Variants in PWWP3A observed in about 807,000 individuals in gnomAD.
PWWP3A encodes the protein PWWP domain containing 3A, DNA repair factor.
In PWWP3A, 53 loss-of-function variants were observed where a neutral mutation model predicts 79.0. The ratio of observed to expected loss-of-function variants is 0.67; its 90% CI spans 0.54 to 0.84. The LOEUF (loss-of-function observed/expected upper bound fraction) is 0.84. PWWP3A is among the 40% of genes least tolerant of loss of function. The pLI, the probability that PWWP3A is intolerant of heterozygous loss-of-function variation, is 0.00. For missense variants in PWWP3A, 973 were observed against 948.0 expected (o/e 1.03, Z -0.35); for synonymous variants, 443 against 394.4 (o/e 1.12, Z -1.46).
rs1173948828 is a variant in PWWP3A at position 1,366,176 on chromosome 19, A to G, written c.1285-129A>G. 2.0e-5 allele frequency: 16 copies of G among 799,676 alleles called. 1 individual carries two copies. The East Asian group carries it at 4.3e-4, about 21-fold the overall frequency. 49.5% of individuals were successfully genotyped at this position (799,676 alleles called of 1,614,324 possible). ...GTTTCTCAGCGCCTCCTTGCGGGAG[A>G]CTTCGCTGGGGTCACCCCCAGAGCT... On this transcript the variant is annotated intron_variant, in intron 7 of 13. Transcript: ENST00000591337.
intron 12 of PWWP3A, 177 bp downstream of exon 12, chr19:1,371,255 G>A (rs147798015): frequency 9.0e-6 from 7 of 778,406 alleles, no homozygotes; most frequent in Admixed American, 6.0e-5. Flanking sequence ...GCGAGTGCGT[G>A]CGCTTGACCC....
chr19:1,356,749 C>G (rs942722229), intron 2 of PWWP3A, among the ~76,000 whole-genome samples: 4 of 151,664 alleles, frequency 2.6e-5, no homozygotes, highest in Admixed American at 1.3e-4. Context: ...AAATTATGGT[C>G]GTGTTCAGGG....
At position 1,369,297 on chromosome 19, in the gene PWWP3A, C is replaced by T. The variant is rs200651166; in HGVS notation, c.1455C>T (p.Ile485=). 210 of 1,614,102 alleles carry T rather than the reference C, an allele frequency of 1.3e-4. No individual in the cohort carries two copies. Among genetic ancestry groups the T allele is most frequent in the East Asian group, 1.1e-4 (5 of 44,882 alleles). Residue 485 remains isoleucine, a synonymous_variant, in exon 10 of 14, where the codon ATC becomes ATT. Transcript: ENST00000591337. The surrounding 1 kb of genome is among the most constrained non-coding windows in gnomAD (Gnocchi z 4.0). ...CCAGGGAGGACTTCAACCAGGACAT[C>T]GGCTGGTGTGTCTCCCTCATCACCG... ...NQAREDFNQD[I]GWCVSLITDY...
chr19:1,370,869 C>T lies in PWWP3A; in HGVS notation c.1777C>T (p.Leu593=), dbSNP rs775320701. ...CGCGGAGAGCCACCTGCGGGCCATC[C>T]TAAAGAGCAGGAAGCCATCTCGCTG... ...KGAESHLRAI[L]KSRKPSRWLQ... The change falls in exon 12 of 14, where the codon CTA becomes TTA. Residue 593 remains leucine, a synonymous_variant. Coordinates refer to ENST00000591337, the MANE Select transcript of PWWP3A (RefSeq NM_001369789.1). The T allele has an allele frequency of 2.9e-5, 45 of 1,559,424 alleles. 1 individual carries two copies. In the South Asian group the frequency reaches 5.3e-4, roughly 18 times the overall value.
chr19:1,355,742 C>T (rs1164333618), intron 1 of PWWP3A, among the ~76,000 whole-genome samples: 1 of 151,806 alleles, frequency 6.6e-6, no homozygotes, highest in East Asian at 1.9e-4. Flanking sequence ...CTGGGAACCT[C>T]CTCTTCCCTG....
chr19:1,357,587 T>C (rs746349189), intron 3 of PWWP3A: 2 of 153,712 alleles, frequency 1.3e-5, no homozygotes, highest in African/African-American at 2.4e-5. Flanking sequence ...AAATAACTGA[T>C]GACCAGGCGG....
chr19:1,376,753 G>T lies in PWWP3A; in HGVS notation c.*177G>T. The T allele has an allele frequency of 3.9e-6, 2 of 506,522 alleles. No homozygotes were observed. The highest frequency in any genetic ancestry group is 7.0e-6 in the Non-Finnish European group (2 of 285,996). The allele number at this position is 506,522 out of a possible 1,614,324, so 31.4% of individuals were successfully genotyped here. On this transcript the variant is annotated 3_prime_UTR_variant, in exon 14 of 14. Transcript: ENST00000591337. Reference sequence around the variant, plus strand: ...CTGGAGAATCCATTTCGTTAACACTGAAAGCCAGTTCTCTTTTCCTGGCAG... The same window carrying T: ...CTGGAGAATCCATTTCGTTAACACTTAAAGCCAGTTCTCTTTTCCTGGCAG...
chr19:1,367,304 C>G (rs2082150095), intron 9 of PWWP3A, 84 bp downstream of exon 9: 3 of 1,207,346 alleles, frequency 2.5e-6, no homozygotes, highest in Non-Finnish European at 3.6e-6. Context: ...CTCTTGAAAT[C>G]CATGGCTGCG....
chr19:1,363,802 T>C (rs1382597047), intron 6 of PWWP3A, among the ~76,000 whole-genome samples: 1 of 152,150 alleles, frequency 6.6e-6, no homozygotes, highest in African/African-American at 2.4e-5. Flanking sequence ...GGGCCTCCCT[T>C]TTTCTCTGGT....
intron 12 of PWWP3A, 148 bp from the exon 13 acceptor site, chr19:1,372,923 AC>A: frequency 1.6e-6 from 1 of 614,872 alleles, no homozygotes; most frequent in Non-Finnish European, 2.9e-6. Flanking sequence ...GGATTCATGG[AC>A]TAGGTTTGCA....
intron 6 of PWWP3A, among the ~76,000 whole-genome samples, chr19:1,362,623 C>T (rs1021234128): frequency 6.6e-6 from 1 of 152,262 alleles, no homozygotes; most frequent in Non-Finnish European, 1.5e-5. Flanking sequence ...TTACCTCAAG[C>T]CCTTGTCCTC....
rs1302863812 is a variant in PWWP3A at position 1,360,994 on chromosome 19, G to C, written c.1073G>C (p.Arg358Thr). The stretch of plus-strand genomic sequence containing the variant: ...TCCCACGCCTCTGCGGATGCAACCA[G>C]ATGTCTTCCTTGCCCGGATTCCCAG... ...PPSHASADAT[R>T]CLPCPDSQKL... The change falls in exon 5 of 14, where the codon AGA becomes ACA. Residue 358 changes from arginine (R) to threonine (T), a missense_variant. Arg to Thr is a moderately conservative substitution (Grantham distance 71). Coordinates refer to ENST00000591337, the MANE Select transcript of PWWP3A (RefSeq NM_001369789.1). The surrounding 1 kb of genome is among the most constrained non-coding windows in gnomAD (Gnocchi z 4.4). The C allele has an allele frequency of 4.9e-6, 7 of 1,442,046 alleles. No individual in the cohort carries two copies. The East Asian group carries it at 1.8e-4, about 38-fold the overall frequency. The allele number at this position is 1,442,046 out of a possible 1,614,324, so 89.3% of individuals were successfully genotyped here. A position where few individuals can be genotyped will look rare whatever the true frequency, so the allele number is the denominator to read the frequency against.
At chr19:1,362,753 C>T (rs2082047244) in intron 6 of PWWP3A, among the ~76,000 whole-genome samples, 1 of 152,212 alleles carries the variant, frequency 6.6e-6, no homozygotes, top group African/African-American at 2.4e-5. Flanking sequence ...GGGGGGCTGT[C>T]CAGGGAGGCA....
At position 1,356,982 on chromosome 19, in the gene PWWP3A, A is replaced by G. The variant is rs10419989; in HGVS notation, c.58-27A>G. 2.8e-4 allele frequency: 445 copies of G among 1,593,008 alleles called. 2 individuals carry two copies. In the African/African-American group the frequency reaches 5.4e-3, roughly 19 times the overall value. On this transcript the variant is annotated intron_variant, in intron 2 of 13. Coordinates refer to ENST00000591337, the MANE Select transcript of PWWP3A (RefSeq NM_001369789.1). The stretch of plus-strand genomic sequence containing the variant: ...TCTCACTGTCAGCTGTTGTAATAAC[A>G]AGGATTTTCTTTTGTTTTAAATGTA...
chr19:1,374,445 CT>C (rs2082322702), intron 13 of PWWP3A: 2 of 152,232 alleles, frequency 1.3e-5, no homozygotes, highest in African/African-American at 4.8e-5. Context: ...GGGACCCAGT[CT>C]CCCCGCCGCA....
chr19:1,371,206 G>T, intron 12 of PWWP3A, 128 bp downstream of exon 12: 1 of 1,039,192 alleles, frequency 9.6e-7, no homozygotes, highest in Non-Finnish European at 1.4e-6. Context: ...ACGGAGCGTG[G>T]AGGCCTCCTG....
chr19:1,358,570 T>A (rs778671163), intron 4 of PWWP3A, 106 bp downstream of exon 4: 12 of 1,601,574 alleles, frequency 7.5e-6, no homozygotes, highest in Non-Finnish European at 1.0e-5. Context: ...CTGTTCACCA[T>A]GTTTTTCTTC....
At chr19:1,356,154 C>A in intron 1 of PWWP3A, 170 bp from the exon 2 acceptor site, 2 of 562,882 alleles carry the variant, frequency 3.6e-6, no homozygotes, top group Admixed American at 6.1e-5. Flanking sequence ...CGAGCCCCGT[C>A]GTTTCTGTTT....
At chr19:1,364,090 G>A (rs539010772) in intron 6 of PWWP3A, 8 of 512,604 alleles carry the variant, frequency 1.6e-5, no homozygotes, top group African/African-American at 5.8e-5. Flanking sequence ...CTCAGTCCTT[G>A]TGTTTGGGTC....
Sources: gnomAD v4.1 joint callset for allele counts (sites outside exome capture counted in the v4.1 genomes callset) on GRCh38, gnomAD v4.1.1 for gene constraint, Gnocchi (gnomAD v3.1) non-coding constraint, MANE v1.5 for transcripts, NCBI Gene and HGNC (gene_info 2026-07-23, HGNC 2026-07-21) for gene names.